Variants in ST3GAL3 observed in about 807,000 individuals in gnomAD.
The protein encoded by ST3GAL3 is ST3 beta-galactoside alpha-2,3-sialyltransferase 3.
A neutral mutation model predicts 50.1 loss-of-function variants in ST3GAL3; 21 were observed. The observed-to-expected ratio is 0.42, with a 90% CI of 0.30 to 0.60. ST3GAL3 has a LOEUF of 0.60. ST3GAL3 is among the 20% of genes least tolerant of loss of function. The pLI is 0.19. For synonymous variants in ST3GAL3, 183 were observed against 190.0 expected (o/e 0.96, Z 0.30); for missense variants, 353 against 489.4 (o/e 0.72, Z 2.63).
intron 9 of ST3GAL3, among the ~76,000 whole-genome samples, chr1:43,914,881 C>T (rs1353778241): frequency 6.6e-6 from 1 of 152,238 alleles, no homozygotes; most frequent in Non-Finnish European, 1.5e-5. Flanking sequence ...TCTGGCCCAC[C>T]CAAGAGGGGC....
chr1:43,745,339 A>G (rs6429638), intron 2 of ST3GAL3, among the ~76,000 whole-genome samples: 105,141 of 152,078 alleles, frequency 0.69, 36,691 homozygotes, highest in Non-Finnish European at 0.73. Flanking sequence ...TTGTGAAAAA[A>G]GAAGTAAGTG....
In ST3GAL3 at chr1:43,788,596, A is replaced by G. The variant is rs1223673946; in HGVS notation, c.119-3506A>G. Among the ~76,000 whole-genome samples the G allele has an allele frequency of 2.0e-5, 3 of 152,298 alleles. No homozygotes were observed. In the East Asian group the frequency reaches 5.8e-4, roughly 29 times the overall value. On this transcript the variant is annotated intron_variant, in intron 2 of 11. Coordinates refer to ENST00000347631, the MANE Select transcript of ST3GAL3 (RefSeq NM_006279.5). ...TGATGGGAGTCAATACCCAGAATGG[A>G]TTTTACCTCCAACTTGTAAAATATC... is the stretch of plus-strand genomic sequence containing the variant.
At chr1:43,797,099 G>A (rs957400335) in intron 3 of ST3GAL3, among the ~76,000 whole-genome samples, 2 of 152,134 alleles carry the variant, frequency 1.3e-5, no homozygotes, top group Non-Finnish European at 2.9e-5. Flanking sequence ...GAGGCAGGAG[G>A]ATCACTTGAG....
chr1:43,881,793 G>C (rs1040625773), intron 5 of ST3GAL3, among the ~76,000 whole-genome samples: 1 of 151,990 alleles, frequency 6.6e-6, no homozygotes, highest in Admixed American at 6.6e-5. Context: ...AGAATGGGGG[G>C]TGGGGGTGTC....
chr1:43,844,674 T>TGGTGGCGGGCACTAC (rs2065943014), intron 5 of ST3GAL3, among the ~76,000 whole-genome samples: 1 of 152,000 alleles, frequency 6.6e-6, no homozygotes, highest in African/African-American at 2.4e-5. Flanking sequence ...TAGCCGGGCG[T>TGGTGGCGGGCACTAC]GGTGGCGGGC....
At chr1:43,920,571 G>C (rs1035199855) in intron 10 of ST3GAL3, 21 bp downstream of exon 10, 4 of 1,613,026 alleles carry the variant, frequency 2.5e-6, no homozygotes, top group Non-Finnish European at 3.4e-6. Flanking sequence ...TGGGCCCTGG[G>C]AGAGGGAGGA....
intron 5 of ST3GAL3, among the ~76,000 whole-genome samples, chr1:43,871,955 G>C (rs1171473464): frequency 8.6e-5 from 1 of 11,620 alleles, no homozygotes; most frequent in Non-Finnish European, 1.9e-4. Context: ...TCGGTGGGGG[G>C]TGTGTGTGGG....
At chr1:43,895,226 C>T (rs1332314158) in intron 6 of ST3GAL3, among the ~76,000 whole-genome samples, 1 of 152,156 alleles carries the variant, frequency 6.6e-6, no homozygotes, top group African/African-American at 2.4e-5. Flanking sequence ...TTCACCTGAA[C>T]CTCATCTCCC....
At chr1:43,915,256 T>C (rs951357710) in intron 9 of ST3GAL3, among the ~76,000 whole-genome samples, 3 of 152,172 alleles carry the variant, frequency 2.0e-5, no homozygotes, top group African/African-American at 7.2e-5. Context: ...TCTCCTTTAG[T>C]AACCGTCACT....
chr1:43,765,743 CTGTGTGTGTCTGTGTGTGTGTG>C (rs1187854453), intron 2 of ST3GAL3, among the ~76,000 whole-genome samples: 12 of 140,886 alleles, frequency 8.5e-5, no homozygotes, highest in East Asian at 2.2e-4. Context: ...ATGTGTGTGT[CTGTGTGTGTCTGTGTGTGTGTG>C]TGTGTGTGTG....
At chr1:43,911,562 C>CATATCTGTAGCTATAGATATCTATAGAT (rs1553129665) in intron 9 of ST3GAL3, among the ~76,000 whole-genome samples, 5,515 of 108,202 alleles carry the variant, frequency 0.051, 605 homozygotes, top group African/African-American at 0.17. Context: ...TATCTATAGA[C>CATATCTGTAGCTATAGATATCTATAGAT]ATATCTGTAG....
chr1:43,885,836 T>C (rs1161352503), intron 5 of ST3GAL3, among the ~76,000 whole-genome samples: 1 of 152,120 alleles, frequency 6.6e-6, no homozygotes, highest in Non-Finnish European at 1.5e-5. Context: ...AATGCAAGCC[T>C]CCCTCGGGGA....
At chr1:43,815,883 T>TTGGATGGA (rs3838469) in intron 4 of ST3GAL3, among the ~76,000 whole-genome samples, 22,161 of 145,284 alleles carry the variant, frequency 0.15, 2,084 homozygotes, top group Admixed American at 0.24. Context: ...GAATGCTTGG[T>TTGGATGGA]TGGATGGATG....
Position 43,777,320 on chromosome 1 carries a change from GAC to G in ST3GAL3, c.119-14780_119-14779del, listed in dbSNP as rs1452230252. ...TGCCTTTTTGAGCTCATATAGCCAA[GAC>G]AATCCTAAGCAAAAAGAACAAAGCT... On this transcript the variant is annotated intron_variant, in intron 2 of 11. Transcript: ENST00000347631. Among the ~76,000 whole-genome samples the G allele has an allele frequency of 1.4e-4, 22 of 152,212 alleles. 1 individual carries two copies. In the South Asian group the frequency reaches 2.9e-3, roughly 20 times the overall value.
At chr1:43,791,333 A>G (rs894277071) in intron 2 of ST3GAL3, among the ~76,000 whole-genome samples, 1 of 152,242 alleles carries the variant, frequency 6.6e-6, no homozygotes, top group African/African-American at 2.4e-5. Flanking sequence ...GATAGAGACC[A>G]TGCTTTTTCT....
intron 5 of ST3GAL3, among the ~76,000 whole-genome samples, chr1:43,882,167 G>A (rs1384965828): frequency 6.6e-6 from 1 of 152,230 alleles, no homozygotes; most frequent in Non-Finnish European, 1.5e-5. Context: ...ACCTCAGAGA[G>A]GTAGAGATGC....
intron 2 of ST3GAL3, among the ~76,000 whole-genome samples, chr1:43,744,430 G>A (rs1033144201): frequency 4.6e-5 from 7 of 151,812 alleles, no homozygotes; most frequent in Middle Eastern, 6.8e-3. Flanking sequence ...TTGTAGAGAC[G>A]GGATGTCACC....
At chr1:43,815,639 T>A (rs1406198009) in intron 4 of ST3GAL3, among the ~76,000 whole-genome samples, 1 of 152,202 alleles carries the variant, frequency 6.6e-6, no homozygotes, top group Non-Finnish European at 1.5e-5. Context: ...TTATTCTCTT[T>A]ATGATTTGGG....
At chr1:43,881,843 G>T (rs1375723041) in intron 5 of ST3GAL3, among the ~76,000 whole-genome samples, 2 of 152,220 alleles carry the variant, frequency 1.3e-5, no homozygotes, top group Non-Finnish European at 2.9e-5. Context: ...TGGTGCTTTG[G>T]AACAGGGAGA....
Sources: gnomAD v4.1 joint callset for allele counts (sites outside exome capture counted in the v4.1 genomes callset) on GRCh38, gnomAD v4.1.1 for gene constraint, MANE v1.5 for transcripts, NCBI Gene and HGNC (gene_info 2026-07-23, HGNC 2026-07-21) for gene names.